SNX25: variants seen among roughly 807,000 people sequenced by gnomAD.
The protein encoded by SNX25 is sorting nexin-25.
Under a neutral mutation model 113.7 loss-of-function variants are expected in SNX25, and 62 were observed. The observed-to-expected ratio is 0.55, with a 90% CI of 0.44 to 0.67. SNX25 has a LOEUF of 0.67. SNX25 is among the 30% of genes least tolerant of loss of function. SNX25 has a pLI of 0.00. For synonymous variants in SNX25, 421 were observed against 436.2 expected, an observed-to-expected ratio of 0.97 and a Z score of 0.43; for missense variants, 1,014 against 1,161.0, an observed-to-expected ratio of 0.87 and a Z score of 1.84.
downstream of SNX25, chr4:185,366,421 G>A (rs1189784399): frequency 6.6e-6 from 1 of 152,144 alleles, no homozygotes; most frequent in Non-Finnish European, 1.5e-5. Context: ...TTCTGCATAT[G>A]TATGTAGCAG....
Position 185,210,251 on chromosome 4 carries a change from C to T in SNX25, c.425C>T (p.Pro142Leu), listed in dbSNP as rs1330209780. The stretch of plus-strand genomic sequence containing the variant: ...GCGACCTCAGCCGCCCGCCGCCCGC[C>T]GGGGGTAAGTACCCGACTCCTGGCC... Reference protein sequence around the residue: ...LAATSAARRPPGSPVYGNSHE... With the variant: ...LAATSAARRPLGSPVYGNSHE... The change falls in exon 1 of 19, where the codon CCG becomes CTG. Residue 142 changes from proline to leucine, a missense_variant. By Grantham distance (98) the Pro-to-Leu change is moderately conservative. Transcript: ENST00000652585. The surrounding 1 kb of genome is among the most constrained non-coding windows in gnomAD (Gnocchi z 4.4). The T allele has an allele frequency of 8.1e-6, 8 of 984,940 alleles. No individual in the cohort carries two copies. The highest frequency in any genetic ancestry group is 1.1e-4 in the East Asian group (1 of 8,788). 61.0% of individuals were successfully genotyped at this position (984,940 alleles called of 1,614,324 possible).
rs554072626 is a variant in SNX25 at position 185,359,306 on chromosome 4, C to T, written c.2651+1569C>T. On this transcript the variant is annotated intron_variant, in intron 16 of 18. Coordinates refer to ENST00000652585, the MANE Select transcript of SNX25 (RefSeq NM_001378034.2). ...AGGTCAAGGCTGCCATGAGCCACTG[C>T]ATTCCAGCCTGAATGAAACAGCAAG... Among the ~76,000 whole-genome samples, 5 of 151,620 alleles carry T rather than the reference C, an allele frequency of 3.3e-5. No homozygotes were observed. The East Asian group carries it at 5.8e-4, about 18-fold the overall frequency.
chr4:185,215,511 T>G (rs1738670852), intron 1 of SNX25, among the ~76,000 whole-genome samples: 1 of 152,246 alleles, frequency 6.6e-6, no homozygotes, highest in African/African-American at 2.4e-5. Context: ...CAAACTCATT[T>G]AGTTACTCAA....
At chr4:185,329,113 G>A (rs970216807) in intron 9 of SNX25, among the ~76,000 whole-genome samples, 1 of 152,112 alleles carries the variant, frequency 6.6e-6, no homozygotes, top group Admixed American at 6.6e-5. Flanking sequence ...AGGTAGAAAA[G>A]AATATAGACA....
At chr4:185,367,303 C>CTTTTTTTTTTTT (rs138875428), downstream of SNX25, 2 of 1,105,676 alleles carry the variant, frequency 1.8e-6, no homozygotes, top group African/African-American at 3.3e-5. Flanking sequence ...GGTCTTTCTT[C>CTTTTTTTTTTTT]TTTTTTTTTT....
chr4:185,346,746 C>G, intron 13 of SNX25, 96 bp downstream of exon 13: 1 of 767,398 alleles, frequency 1.3e-6, no homozygotes, highest in Non-Finnish European at 2.1e-6. Context: ...GCTTTTTGTT[C>G]TCACAAGCCA....
chr4:185,223,225 C>T (rs187407799), intron 1 of SNX25, among the ~76,000 whole-genome samples: 3 of 152,114 alleles, frequency 2.0e-5, no homozygotes, highest in East Asian at 1.9e-4. Context: ...ATAGTTTTAT[C>T]GCTCAAATGT....
chr4:185,244,037 G>A (rs1187392525), intron 1 of SNX25, among the ~76,000 whole-genome samples: 2 of 151,980 alleles, frequency 1.3e-5, no homozygotes, highest in Non-Finnish European at 2.9e-5. Flanking sequence ...TTGCTATGTT[G>A]CCCAGGCTGG....
chr4:185,207,415 G>C (rs1737235511), upstream of SNX25, among the ~76,000 whole-genome samples: 1 of 151,598 alleles, frequency 6.6e-6, no homozygotes, highest in Admixed American at 6.6e-5. Context: ...ACGGGGTTTT[G>C]CCATGTTGAC....
In SNX25 at chr4:185,353,513, C is replaced by CA; in HGVS notation, c.2496dup (p.Asp833ArgfsTer4). The CA allele has an allele frequency of 6.2e-7, 1 of 1,614,080 alleles. No individual in the cohort carries two copies. Among genetic ancestry groups the CA allele is most frequent in the Non-Finnish European group, 8.5e-7 (1 of 1,179,976 alleles). ...GAGACAGAGGAGGACAGTGACCTGT[C>CA]AGATTATGGTGATGATGTGGATGGG... On this transcript the variant is annotated frameshift_variant, in exon 15 of 19. Coordinates refer to ENST00000652585, the MANE Select transcript of SNX25 (RefSeq NM_001378034.2). LOFTEE classifies it high-confidence loss of function.
chr4:185,319,364 A>AT (rs1199167755), intron 7 of SNX25, among the ~76,000 whole-genome samples: 9 of 147,952 alleles, frequency 6.1e-5, no homozygotes, highest in African/African-American at 1.0e-4. Context: ...CGCCCAGCTA[A>AT]TTTTTTTTAT....
intron 6 of SNX25, among the ~76,000 whole-genome samples, chr4:185,295,073 T>G: frequency 6.6e-6 from 1 of 152,316 alleles, no homozygotes; most frequent in Non-Finnish European, 1.5e-5. Flanking sequence ...TCAATAAGAA[T>G]GTGTTTCCCC....
At chr4:185,231,835 C>T (rs12644270) in intron 1 of SNX25, among the ~76,000 whole-genome samples, 57,409 of 151,952 alleles carry the variant, frequency 0.38, 13,165 homozygotes, top group East Asian at 0.59. Flanking sequence ...AACTTTTACT[C>T]ATCAATTAAA....
intron 1 of SNX25, among the ~76,000 whole-genome samples, chr4:185,233,135 T>C (rs1273079621): frequency 6.6e-6 from 1 of 151,968 alleles, no homozygotes; most frequent in Non-Finnish European, 1.5e-5. Context: ...AATATAAAAA[T>C]TAGCTGGGCA....
intron 1 of SNX25, among the ~76,000 whole-genome samples, chr4:185,219,030 C>A (rs564138066): frequency 6.6e-6 from 1 of 152,170 alleles, no homozygotes; most frequent in Non-Finnish European, 1.5e-5. Flanking sequence ...TCTCAACTTA[C>A]ATTCTTCCAT....
At chr4:185,257,843 G>A (rs913709957) in intron 2 of SNX25, among the ~76,000 whole-genome samples, 2 of 152,170 alleles carry the variant, frequency 1.3e-5, no homozygotes, top group Admixed American at 6.6e-5. Flanking sequence ...CAAAGAAGGC[G>A]ACTGGCCACA....
rs755768707 is a variant in SNX25 at position 185,261,049 on chromosome 4, A to G, written c.731+1985A>G. Among the ~76,000 whole-genome samples, 20 of 150,494 alleles carry G rather than the reference A, an allele frequency of 1.3e-4. 1 individual carries two copies. Among genetic ancestry groups the G allele is most frequent in the Admixed American group, 1.2e-3 (18 of 15,122 alleles). Reference sequence around the variant, plus strand: ...ACTTGTTTGAATTCAGGGAAAGCTCATTTGAAAGTATGTAAATGATGGTCC... The same window carrying G: ...ACTTGTTTGAATTCAGGGAAAGCTCGTTTGAAAGTATGTAAATGATGGTCC... On this transcript the variant is annotated intron_variant, in intron 3 of 18. Coordinates refer to ENST00000652585, the MANE Select transcript of SNX25 (RefSeq NM_001378034.2).
intron 11 of SNX25, among the ~76,000 whole-genome samples, chr4:185,341,391 T>C (rs2095259262): frequency 2.0e-5 from 3 of 152,242 alleles, no homozygotes; most frequent in Admixed American, 6.5e-5. Flanking sequence ...GGCTGTTTGC[T>C]TGCTGTTAAT....
chr4:185,319,758 G>A (rs142207335), intron 7 of SNX25, among the ~76,000 whole-genome samples: 1 of 152,192 alleles, frequency 6.6e-6, no homozygotes, highest in Non-Finnish European at 1.5e-5. Flanking sequence ...TATTTTTTCA[G>A]TATGTGCATT....
Sources: gnomAD v4.1 joint callset for allele counts (sites outside exome capture counted in the v4.1 genomes callset) on GRCh38, gnomAD v4.1.1 for gene constraint, Gnocchi (gnomAD v3.1) non-coding constraint, MANE v1.5 for transcripts, NCBI Gene and HGNC (gene_info 2026-07-23, HGNC 2026-07-21) for gene names.